GRSF1: variants seen among roughly 807,000 people sequenced by gnomAD.
GRSF1 encodes the protein G-rich RNA sequence binding factor 1.
Under a neutral mutation model 51.1 loss-of-function variants are expected in GRSF1, and 50 were observed. The ratio of observed to expected loss-of-function variants is 0.98; its 90% CI spans 0.78 to 1.24. The LOEUF (loss-of-function observed/expected upper bound fraction) is 1.24, where lower values mean the gene tolerates loss of function less well. Among genes scored for constraint, GRSF1 ranks in the 50% most tolerant of loss-of-function variants. GRSF1 has a pLI of 0.00. For synonymous variants in GRSF1, 293 were observed against 253.3 expected (o/e 1.16, Z -1.49); for missense variants, 700 against 639.7 (o/e 1.09, Z -1.02).
rs1423516398 is a variant in GRSF1, at chr4:70,839,814, C to G, written c.14G>C (p.Arg5Pro). The change falls in exon 1 of 10, where the codon CGC becomes CCC. Residue 5 changes from arginine (R) to proline (P), a missense_variant. Coordinates refer to ENST00000254799, the MANE Select transcript of GRSF1 (RefSeq NM_002092.4). ...CCGGAGCAGCGCCCCGAGTACCCAG[C>G]GCGTGCCGGCCATGGACTCCGGAGG... MAGT[R>P]WVLGALLRGC... is the part of the protein sequence containing the mutation. 1 of 1,498,804 alleles carries G rather than the reference C, an allele frequency of 6.7e-7. No homozygotes were observed. Among genetic ancestry groups the G allele is most frequent in the Admixed American group, 2.1e-5 (1 of 46,926 alleles). 92.8% of individuals were successfully genotyped at this position (1,498,804 alleles called of 1,614,324 possible).
At position 70,827,867 on chromosome 4, in the gene GRSF1, T is replaced by G; in HGVS notation, c.1120A>C (p.Ser374Arg). The G allele has an allele frequency of 6.2e-7, 1 of 1,610,960 alleles. No individual in the cohort carries two copies. The highest frequency in any genetic ancestry group is 8.5e-7 in the Non-Finnish European group (1 of 1,178,176). Residue 374 changes from serine to arginine, a missense_variant, in exon 6 of 10, where the codon AGT becomes CGT. By Grantham distance (110) the Ser-to-Arg change is moderately radical. Transcript: ENST00000254799. Reference protein sequence around the residue: ...EDIQPMTAFESEKEIELPKEV... With the variant: ...EDIQPMTAFEREKEIELPKEV... ...AGGACCTTACCTATTTCCTTCTCACTTTCAAAAGCTGTCATGGGTTGAATA... is the reference window on the plus strand; with the variant it reads ...AGGACCTTACCTATTTCCTTCTCACGTTCAAAAGCTGTCATGGGTTGAATA...
chr4:70,826,360 A>T (rs763057916), intron 6 of GRSF1, 115 bp from the exon 7 acceptor site: 10 of 847,352 alleles, frequency 1.2e-5, no homozygotes, highest in Non-Finnish European at 1.6e-5. Context: ...AAGAGCATTA[A>T]AAGCCAAAAT....
upstream of GRSF1, chr4:70,840,013 T>G (rs1174356458): frequency 2.1e-5 from 11 of 533,476 alleles, no homozygotes; most frequent in African/African-American, 4.0e-5. Context: ...GTCTCCGCCC[T>G]TGGGCGGGGC....
intron 6 of GRSF1, 89 bp downstream of exon 6, chr4:70,827,763 G>A (rs1001917438): frequency 1.1e-6 from 1 of 891,578 alleles, no homozygotes; most frequent in African/African-American, 1.7e-5. Context: ...TGGCAACAGA[G>A]CGAGACTTCA....
chr4:70,834,573 C>T (rs920826119), intron 2 of GRSF1, among the ~76,000 whole-genome samples: 9 of 152,048 alleles, frequency 5.9e-5, no homozygotes, highest in Admixed American at 4.6e-4. Context: ...TATGGGAGTT[C>T]GGTATACAGA....
At chr4:70,836,901 G>A (rs1243493840) in intron 1 of GRSF1, among the ~76,000 whole-genome samples, 1 of 152,212 alleles carries the variant, frequency 6.6e-6, no homozygotes, top group Non-Finnish European at 1.5e-5. Flanking sequence ...TTGAATAACA[G>A]CAATTAATTC....
intron 5 of GRSF1, among the ~76,000 whole-genome samples, chr4:70,828,451 C>A (rs1169511515): frequency 1.3e-5 from 2 of 152,150 alleles, no homozygotes; most frequent in Non-Finnish European, 2.9e-5. Flanking sequence ...TTAAAAGTCA[C>A]AGTAAAAGAA....
intron 9 of GRSF1, among the ~76,000 whole-genome samples, chr4:70,822,621 A>G (rs1257225683): frequency 4.0e-5 from 6 of 150,838 alleles, no homozygotes; most frequent in African/African-American, 1.5e-4. Context: ...GTAACCTGAG[A>G]AAATGGAAAA....
chr4:70,837,189 G>A (rs1405544752), intron 1 of GRSF1, among the ~76,000 whole-genome samples: 1 of 152,244 alleles, frequency 6.6e-6, no homozygotes, highest in Non-Finnish European at 1.5e-5. Flanking sequence ...CTCTTTTATC[G>A]GATTAAGTAA....
In GRSF1 at chr4:70,839,572, C is replaced by A; in HGVS notation, c.256G>T (p.Ala86Ser). The A allele has an allele frequency of 7.0e-7, 1 of 1,421,884 alleles. No individual in the cohort carries two copies. The highest frequency in any genetic ancestry group is 1.5e-5 in the African/African-American group (1 of 66,912). 88.1% of individuals were successfully genotyped at this position (1,421,884 alleles called of 1,614,324 possible). A position where few individuals can be genotyped will look rare whatever the true frequency, so the allele number is the denominator to read the frequency against. ...TAGGACGCGGCGGCCGCGGCCGCGG[C>A]AGAGGTGGCCACAGCGGGAGGCCCC... ...LAGPPAVATS[A>S]AAAAAASYSA... The change falls in exon 1 of 10, where the codon GCC becomes TCC. Residue 86 changes from alanine to serine, a missense_variant. Ala to Ser is a moderately conservative substitution (Grantham distance 99). Transcript: ENST00000254799.
At position 70,818,052 on chromosome 4, in the gene GRSF1, T is replaced by G. The variant is rs1427302129; in HGVS notation, c.*2835A>C. The G allele has an allele frequency of 6.6e-6, 1 of 152,292 alleles. No individual in the cohort carries two copies. The highest frequency in any genetic ancestry group is 2.4e-5 in the African/African-American group (1 of 41,446). The allele number at this position is 152,292 out of a possible 1,614,324, so 9.4% of individuals were successfully genotyped here. On this transcript the variant is annotated 3_prime_UTR_variant, in exon 10 of 10. Transcript: ENST00000254799. ...GGAGTTTTTTGTATTTTGGTTTTTT[T>G]GATTTTGACAGAGTCTCACTCTGTT...
intron 2 of GRSF1, 93 bp downstream of exon 2, chr4:70,836,065 C>A (rs1351412862): frequency 2.8e-6 from 2 of 702,900 alleles, no homozygotes; most frequent in Admixed American, 7.8e-5. Flanking sequence ...ACCTTTTACT[C>A]AGACAAAATT....
At chr4:70,839,289 G>T in intron 1 of GRSF1, 182 bp downstream of exon 1, 1 of 1,498,592 alleles carries the variant, frequency 6.7e-7, no homozygotes, top group African/African-American at 1.4e-5. Context: ...CGACGCCTGG[G>T]AGAGCTTCCC....
chr4:70,837,127 G>A (rs529888792), intron 1 of GRSF1, among the ~76,000 whole-genome samples: 12 of 152,278 alleles, frequency 7.9e-5, no homozygotes, highest in Admixed American at 3.9e-4. Flanking sequence ...AGTGATTAAG[G>A]GAAAGATCTT....
rs2148833268 is a variant in GRSF1 at position 70,820,373 on chromosome 4, AC to A, written c.*513del. 6.5e-6 allele frequency: 1 copy of A among 152,732 alleles called. No homozygotes were observed. Among genetic ancestry groups the A allele is most frequent in the South Asian group, 2.1e-4 (1 of 4,828 alleles). 9.5% of individuals were successfully genotyped at this position (152,732 alleles called of 1,614,324 possible). On this transcript the variant is annotated 3_prime_UTR_variant, in exon 10 of 10. Transcript: ENST00000254799. The stretch of plus-strand genomic sequence containing the variant: ...GTAATCAAATACAGCAAAATTTAAA[AC>A]TATTCTGCCAAACCATACCAGTTCA...
chr4:70,826,457 G>C (rs6849893), intron 6 of GRSF1, among the ~76,000 whole-genome samples: 137,225 of 151,960 alleles, frequency 0.9, 62,967 homozygotes, highest in East Asian at 1. Flanking sequence ...TAAGAACTTA[G>C]CCCTTTTTGT....
upstream of GRSF1, among the ~76,000 whole-genome samples, chr4:70,843,085 ATAAAAT>A (rs1309996551): frequency 2.0e-5 from 3 of 152,162 alleles, no homozygotes; most frequent in Non-Finnish European, 4.4e-5. Context: ...AAATAAATAA[ATAAAAT>A]TAAATTATAA....
chr4:70,835,621 T>G (rs1010275429), intron 2 of GRSF1, among the ~76,000 whole-genome samples: 1 of 151,828 alleles, frequency 6.6e-6, no homozygotes, highest in Non-Finnish European at 1.5e-5. Context: ...TTTTGTATTT[T>G]TAGTAGAGAC....
In GRSF1 at chr4:70,836,240, CTCT is replaced by C. The variant is rs1445258452; in HGVS notation, c.429_431del (p.Glu145del). 12 of 1,610,456 alleles carry C rather than the reference CTCT, an allele frequency of 7.5e-6. No individual in the cohort carries two copies. The highest frequency in any genetic ancestry group is 1.3e-5 in the African/African-American group (1 of 74,770). ...GAATGAGAAAGACATCATCCACTTC[CTCT>C]TCTAACTTGGACGGGGCCAATTCAT... On this transcript the variant is annotated inframe_deletion, in exon 2 of 10. Transcript: ENST00000254799.
Sources: allele counts gnomAD v4.1 joint callset (sites outside exome capture counted in the v4.1 genomes callset), GRCh38; gene constraint gnomAD v4.1.1; transcripts MANE v1.5; gene names NCBI Gene and HGNC (gene_info 2026-07-23, HGNC 2026-07-21).